Variants in TUSC3 observed in about 807,000 individuals in gnomAD.
TUSC3 encodes the protein tumor suppressor candidate 3.
In TUSC3, 45 loss-of-function variants were observed where a neutral mutation model predicts 44.8. The observed-to-expected ratio is 1.00, with a 90% CI of 0.79 to 1.29. The LOEUF is 1.29. Ranked by LOEUF, TUSC3 falls within the 50% of genes most tolerant of loss-of-function variation. TUSC3 has a pLI of 0.00. For synonymous variants in TUSC3, 212 were observed against 152.9 expected (o/e 1.39, Z -2.85); for missense variants, 519 against 437.9 (o/e 1.19, Z -1.65).
At chr8:15,711,892 C>T (rs578245762) in intron 6 of TUSC3, among the ~76,000 whole-genome samples, 84 of 151,892 alleles carry the variant, frequency 5.5e-4, no homozygotes, top group Middle Eastern at 6.8e-3. Flanking sequence ...CCAGTTTGAT[C>T]GTCACGTTTT....
At chr8:15,771,801 A>G in the TUSC3 span, among the ~76,000 whole-genome samples, 1 of 152,092 alleles carries the variant, frequency 6.6e-6, no homozygotes, top group African/African-American at 2.4e-5. Flanking sequence ...TAAAAAAAAG[A>G]AGAAAGGCCG....
At chr8:15,695,561 C>T (rs1039513969) in intron 6 of TUSC3, among the ~76,000 whole-genome samples, 2 of 152,032 alleles carry the variant, frequency 1.3e-5, no homozygotes, top group Admixed American at 6.6e-5. Flanking sequence ...AAAAGCTACC[C>T]AAAAATGTGG....
At chr8:15,759,221 G>A (rs1462380741) in intron 10 of TUSC3, among the ~76,000 whole-genome samples, 2 of 151,984 alleles carry the variant, frequency 1.3e-5, no homozygotes, top group African/African-American at 4.8e-5. Context: ...ACCTTTTTTG[G>A]ATACCAAATG....
chr8:15,540,447 C>G lies in TUSC3; in HGVS notation c.17C>G (p.Ala6Gly). The change falls in exon 1 of 11, where the codon GCT becomes GGT. Residue 6 changes from alanine (A) to glycine (G), a missense_variant. Physicochemically the swap from Ala to Gly is moderately conservative, Grantham distance 60. Transcript: ENST00000503731. ...CCTGCCGCGATGGGGGCCCGGGGCGCTCCTTCACGCCGTAGGCAAGCGGGG... is the reference window on the plus strand; with the variant it reads ...CCTGCCGCGATGGGGGCCCGGGGCGGTCCTTCACGCCGTAGGCAAGCGGGG... Reference protein sequence around the residue: MGARGAPSRRRQAGRR... With the variant: MGARGGPSRRRQAGRR... The G allele has an allele frequency of 6.2e-7, 1 of 1,600,164 alleles. No individual in the cohort carries two copies. The highest frequency in any genetic ancestry group is 8.5e-7 in the Non-Finnish European group (1 of 1,174,492).
chr8:15,572,579 C>G (rs13280944), intron 1 of TUSC3, among the ~76,000 whole-genome samples: 36,082 of 152,106 alleles, frequency 0.24, 5,175 homozygotes, highest in East Asian at 0.31. Flanking sequence ...ACTTGTCTAA[C>G]TGTTCGGTGC....
intron 1 of TUSC3, among the ~76,000 whole-genome samples, chr8:15,554,600 ATTTTTTTT>A (rs376264004): frequency 9.0e-6 from 1 of 111,654 alleles, no homozygotes; most frequent in South Asian, 3.0e-4. Context: ...TTTTACTATA[ATTTTTTTT>A]TTTTTTTTTT....
intron 2 of TUSC3, among the ~76,000 whole-genome samples, chr8:15,502,218 T>C (rs1800976705): frequency 6.6e-6 from 1 of 152,236 alleles, no homozygotes. Context: ...TTTGCTGAAG[T>C]CTACAAACTG....
intron 1 of TUSC3, among the ~76,000 whole-genome samples, chr8:15,604,515 A>T (rs545323224): frequency 6.6e-6 from 1 of 151,896 alleles, no homozygotes; most frequent in South Asian, 2.1e-4. Flanking sequence ...ATATTTTCTT[A>T]TAATTATTGT....
At chr8:15,757,471 C>T (rs918163083) in intron 9 of TUSC3, among the ~76,000 whole-genome samples, 3 of 152,096 alleles carry the variant, frequency 2.0e-5, no homozygotes, top group African/African-American at 7.2e-5. Context: ...ATCTTAACAA[C>T]CTTAAGCTGT....
chr8:15,827,479 G>A, the TUSC3 span, among the ~76,000 whole-genome samples: 2 of 152,194 alleles, frequency 1.3e-5, no homozygotes, highest in East Asian at 1.9e-4. Context: ...TAGACAGATT[G>A]AAAATTTCTC....
At chr8:15,780,878 AGAGG>A in the TUSC3 span, among the ~76,000 whole-genome samples, 1 of 152,184 alleles carries the variant, frequency 6.6e-6, no homozygotes, top group Non-Finnish European at 1.5e-5. Flanking sequence ...GTGAAAAGAT[AGAGG>A]GTATGCAACC....
At chr8:15,489,243 A>T (rs1175945341) in intron 2 of TUSC3, among the ~76,000 whole-genome samples, 2 of 152,210 alleles carry the variant, frequency 1.3e-5, no homozygotes, top group Non-Finnish European at 1.5e-5. Context: ...TTTCTGGGTC[A>T]TATGCAAATT....
intron 1 of TUSC3, among the ~76,000 whole-genome samples, chr8:15,445,352 G>A (rs1439231712): frequency 6.6e-6 from 1 of 151,696 alleles, no homozygotes; most frequent in Non-Finnish European, 1.5e-5. Context: ...TCATTATTGG[G>A]TGTTTCTCAG....
At chr8:15,606,789 A>T (rs1224130564) in intron 1 of TUSC3, among the ~76,000 whole-genome samples, 1 of 152,086 alleles carries the variant, frequency 6.6e-6, no homozygotes, top group Non-Finnish European at 1.5e-5. Flanking sequence ...AACTAAAGGA[A>T]ACACACATTT....
chr8:15,688,238 A>G (rs35371832), intron 6 of TUSC3, among the ~76,000 whole-genome samples: 31,858 of 152,104 alleles, frequency 0.21, 4,256 homozygotes, highest in Non-Finnish European at 0.3. Flanking sequence ...AGGATTGAAA[A>G]AAGCGTTTCT....
At chr8:15,724,792 A>G (rs1329907420) in intron 6 of TUSC3, among the ~76,000 whole-genome samples, 4 of 152,162 alleles carry the variant, frequency 2.6e-5, no homozygotes, top group African/African-American at 9.7e-5. Flanking sequence ...TAGATGGGAA[A>G]AGTTTGCATG....
intron 1 of TUSC3, among the ~76,000 whole-genome samples, chr8:15,584,537 G>A (rs968527537): frequency 5.3e-5 from 8 of 152,178 alleles, no homozygotes; most frequent in African/African-American, 1.9e-4. Flanking sequence ...AGCAATATAA[G>A]TGCTATGATA....
chr8:15,576,412 A>C, intron 1 of TUSC3, among the ~76,000 whole-genome samples: 2 of 147,452 alleles, frequency 1.4e-5, no homozygotes, highest in Non-Finnish European at 3.0e-5. Flanking sequence ...TGCACCCACT[A>C]ACTAGTCATC....
At chr8:15,448,708 AT>A (rs1326101363) in intron 1 of TUSC3, among the ~76,000 whole-genome samples, 1 of 152,130 alleles carries the variant, frequency 6.6e-6, no homozygotes, top group East Asian at 1.9e-4. Flanking sequence ...TAAAATTTGG[AT>A]TATGAAACTA....
Sources: gnomAD v4.1 joint callset for allele counts (sites outside exome capture counted in the v4.1 genomes callset) on GRCh38, gnomAD v4.1.1 for gene constraint, MANE v1.5 for transcripts, NCBI Gene and HGNC (gene_info 2026-07-23, HGNC 2026-07-21) for gene names.